The following TMTC2 variants were observed in gnomAD, a reference collection of about 807,000 sequenced individuals.
TMTC2 encodes the protein transmembrane O-mannosyltransferase targeting cadherins 2, also known as protein O-mannosyl-transferase TMTC2.
Under a neutral mutation model 82.4 loss-of-function variants are expected in TMTC2, and 43 were observed. The ratio of observed to expected loss-of-function variants is 0.52; its 90% CI spans 0.41 to 0.67. The LOEUF (loss-of-function observed/expected upper bound fraction) is 0.67. TMTC2 is among the 30% of genes least tolerant of loss of function. TMTC2 has a pLI of 0.00. For synonymous variants in TMTC2, 408 were observed against 381.9 expected (o/e 1.07, Z -0.80); for missense variants, 919 against 1,012.4 (o/e 0.91, Z 1.25).
chr12:82,937,764 A>ATATATATGTGTGTG (rs1565818292), intron 4 of TMTC2, among the ~76,000 whole-genome samples: 1 of 18,682 alleles, frequency 5.4e-5, no homozygotes, highest in African/African-American at 1.9e-4. Context: ...ATATATATAT[A>ATATATATGTGTGTG]TATATATATA....
At chr12:82,970,763 A>G (rs1214136987) in intron 7 of TMTC2, among the ~76,000 whole-genome samples, 2 of 152,238 alleles carry the variant, frequency 1.3e-5, no homozygotes, top group African/African-American at 4.8e-5. Context: ...ACCACAGTTC[A>G]GTGGAGATTC....
At chr12:83,108,310 C>G (rs1175732448) in intron 11 of TMTC2, among the ~76,000 whole-genome samples, 1 of 151,890 alleles carries the variant, frequency 6.6e-6, no homozygotes, top group Non-Finnish European at 1.5e-5. Flanking sequence ...TGAATAGACA[C>G]CAAGTAAAAA....
intron 7 of TMTC2, among the ~76,000 whole-genome samples, chr12:82,967,414 A>G (rs1000730588): frequency 2.0e-4 from 30 of 152,246 alleles, no homozygotes; most frequent in Non-Finnish European, 3.8e-4. Context: ...ATTAATAATA[A>G]AAACAAGATT....
At chr12:83,079,533 T>TA (rs1883393800) in intron 11 of TMTC2, among the ~76,000 whole-genome samples, 1 of 152,164 alleles carries the variant, frequency 6.6e-6, no homozygotes, top group Admixed American at 6.5e-5. Flanking sequence ...TAATAGATTT[T>TA]ACCTTCTACA....
intron 1 of TMTC2, among the ~76,000 whole-genome samples, chr12:82,727,663 GTGAGC>G (rs1445715693): frequency 6.6e-6 from 1 of 151,686 alleles, no homozygotes; most frequent in Non-Finnish European, 1.5e-5. Context: ...GGAGGGTGTA[GTGAGC>G]TGAGATTGTG....
At chr12:83,067,950 T>A (rs1882977130) in intron 11 of TMTC2, among the ~76,000 whole-genome samples, 2 of 152,118 alleles carry the variant, frequency 1.3e-5, no homozygotes, top group Admixed American at 6.6e-5. Context: ...ATATATGCAT[T>A]ATGTCTTTCC....
At chr12:83,068,863 C>T (rs1883011500) in intron 11 of TMTC2, among the ~76,000 whole-genome samples, 1 of 152,038 alleles carries the variant, frequency 6.6e-6, no homozygotes. Context: ...GCCCCCCTCC[C>T]ACTCTTCCCC....
intron 1 of TMTC2, among the ~76,000 whole-genome samples, chr12:82,789,420 C>T (rs535353634): frequency 6.6e-6 from 1 of 152,220 alleles, no homozygotes; most frequent in South Asian, 2.1e-4. Flanking sequence ...AGCAGACACA[C>T]AGCTTAATGG....
chr12:82,914,032 G>A (rs1365435489), intron 3 of TMTC2, among the ~76,000 whole-genome samples: 1 of 152,026 alleles, frequency 6.6e-6, no homozygotes, highest in African/African-American at 2.4e-5. Flanking sequence ...TTGTTCAAGG[G>A]TGACATGTAT....
chr12:82,738,761 A>G (rs758922690), intron 1 of TMTC2, among the ~76,000 whole-genome samples: 5 of 152,252 alleles, frequency 3.3e-5, no homozygotes, highest in African/African-American at 4.8e-5. Flanking sequence ...AAGTATAATT[A>G]TTAGTTATTT....
At chr12:83,100,378 G>GT (rs761007953) in intron 11 of TMTC2, among the ~76,000 whole-genome samples, 16 of 135,616 alleles carry the variant, frequency 1.2e-4, no homozygotes, top group South Asian at 9.6e-4. Context: ...GTTTGTTTGT[G>GT]TTTTTTTTGT....
chr12:83,045,727 G>GGGCTCACACACACA (rs1437284307), intron 9 of TMTC2, among the ~76,000 whole-genome samples: 8 of 142,452 alleles, frequency 5.6e-5, no homozygotes, highest in South Asian at 2.3e-4. Context: ...ACACACACAC[G>GGGCTCACACACACA]CACACACACA....
chr12:82,778,451 C>G (rs937147981), intron 1 of TMTC2, among the ~76,000 whole-genome samples: 7 of 152,112 alleles, frequency 4.6e-5, no homozygotes, highest in Admixed American at 4.6e-4. Context: ...CCCAGTGGCT[C>G]ATGCCTGTAA....
At chr12:83,121,750 G>T (rs1420763523) in intron 11 of TMTC2, among the ~76,000 whole-genome samples, 2 of 152,082 alleles carry the variant, frequency 1.3e-5, no homozygotes, top group Non-Finnish European at 2.9e-5. Context: ...CAGTTACCAG[G>T]GTGGGTAGGG....
intron 7 of TMTC2, among the ~76,000 whole-genome samples, chr12:82,969,360 C>G (rs1303795044): frequency 1.3e-5 from 2 of 152,200 alleles, no homozygotes; most frequent in Non-Finnish European, 2.9e-5. Flanking sequence ...TTCACAACCA[C>G]TACCCCCAAG....
intron 9 of TMTC2, among the ~76,000 whole-genome samples, chr12:83,032,257 T>A (rs972450055): frequency 2.3e-4 from 30 of 130,830 alleles, no homozygotes; most frequent in South Asian, 9.4e-4. Flanking sequence ...AGAGAATATT[T>A]TATATATATA....
At chr12:82,710,451 G>C (rs188146254) in intron 1 of TMTC2, among the ~76,000 whole-genome samples, 348 of 152,296 alleles carry the variant, frequency 2.3e-3, no homozygotes, top group African/African-American at 8.1e-3. Flanking sequence ...CATCCAAGAT[G>C]ATTGCTGTAA....
At chr12:83,080,921 A>G (rs1883442596) in intron 11 of TMTC2, among the ~76,000 whole-genome samples, 1 of 152,192 alleles carries the variant, frequency 6.6e-6, no homozygotes, top group Non-Finnish European at 1.5e-5. Flanking sequence ...GAAAAGTGAA[A>G]TGACACAGAC....
chr12:82,755,136 G>A (rs1430336448), intron 1 of TMTC2, among the ~76,000 whole-genome samples: 1 of 152,174 alleles, frequency 6.6e-6, no homozygotes, highest in Non-Finnish European at 1.5e-5. Flanking sequence ...CAGTGTTGTG[G>A]GGAAATGTGA....
Sources: allele counts gnomAD v4.1 joint callset (sites outside exome capture counted in the v4.1 genomes callset), GRCh38; gene constraint gnomAD v4.1.1; transcripts MANE v1.5; gene names NCBI Gene and HGNC (gene_info 2026-07-23, HGNC 2026-07-21).